WNK3: variants seen among roughly 807,000 people sequenced by gnomAD.
WNK3 encodes WNK lysine deficient protein kinase 3.
In WNK3, 18 loss-of-function variants were observed where a neutral mutation model predicts 116.7. That is an observed-to-expected ratio of 0.15 (90% CI 0.11 to 0.23). The LOEUF is 0.23. WNK3 is among the 10% of genes least tolerant of loss of function. WNK3 has a pLI of 1.00. For missense variants in WNK3, 993 were observed against 1,323.8 expected (o/e 0.75, Z 3.88); for synonymous variants, 404 against 469.4 (o/e 0.86, Z 1.80).
intron 15 of WNK3, 46 bp downstream of exon 15, chrX:54,251,353 G>T: frequency 1.1e-6 from 1 of 945,319 alleles, no homozygotes; most frequent in Non-Finnish European, 1.5e-6. Context: ...GTTTTCAAAT[G>T]TCTTGCTTCA....
intron 1 of WNK3, among the ~76,000 whole-genome samples, chrX:54,347,645 G>A (rs976121902): frequency 1.0e-5 from 1 of 100,068 alleles, no homozygotes; most frequent in Non-Finnish European, 2.0e-5. Flanking sequence ...GTGAGACCCC[G>A]TCTCAAAAAA....
At chrX:54,243,278 G>A (rs1284288928) in intron 17 of WNK3, among the ~76,000 whole-genome samples, 9 of 108,211 alleles carry the variant, frequency 8.3e-5, no homozygotes, top group East Asian at 2.9e-4. Flanking sequence ...AAAATTAGCC[G>A]GGCGCAGTGG....
chrX:54,251,094 A>C (rs2068124786), intron 15 of WNK3, among the ~76,000 whole-genome samples: 1 of 112,056 alleles, frequency 8.9e-6, no homozygotes, highest in South Asian at 3.7e-4. Context: ...AAATCAGAAA[A>C]AAATAACTTA....
At chrX:54,333,936 C>T (rs2069202817) in intron 1 of WNK3, 144 bp from the exon 2 acceptor site, 1 of 390,648 alleles carries the variant, frequency 2.6e-6, no homozygotes. Flanking sequence ...CCAGCAGACT[C>T]TAGGGACTGT....
At chrX:54,221,792 C>T (rs1156269474) in intron 22 of WNK3, among the ~76,000 whole-genome samples, 1 of 110,483 alleles carries the variant, frequency 9.1e-6, no homozygotes, top group Non-Finnish European at 1.9e-5. Context: ...TGAGATCACG[C>T]CACTCAACTC....
chrX:54,306,033 C>T (rs1026129135), intron 5 of WNK3, among the ~76,000 whole-genome samples: 7 of 110,838 alleles, frequency 6.3e-5, no homozygotes, highest in South Asian at 3.9e-4. Flanking sequence ...CCAGCCTAGA[C>T]GACAGGGCAA....
At position 54,326,701 on chromosome X, in the gene WNK3, T is replaced by C. The variant is rs2069109863; in HGVS notation, c.537+6436A>G. ...ATAATAAAATTAAAATGAAAGAAAT[T>C]ATAGCCGGGTGCAGTGGCTCACACC... On this transcript the variant is annotated intron_variant, in intron 2 of 23. Transcript: ENST00000354646. Among the ~76,000 whole-genome samples the C allele has an allele frequency of 8.2e-5, 9 of 109,653 alleles. No individual in the cohort carries two copies. The Admixed American group carries it at 8.8e-4, about 11-fold the overall frequency.
intron 10 of WNK3, among the ~76,000 whole-genome samples, chrX:54,280,160 G>A (rs1431413662): frequency 3.6e-5 from 4 of 111,018 alleles, no homozygotes; most frequent in Admixed American, 9.6e-5. Context: ...AGCTGGGCAC[G>A]GTGGCAGGCA....
Position 54,307,881 on chromosome X carries a change from C to T in WNK3, c.1089+41G>A, listed in dbSNP as rs369756089. 42 of 1,101,315 alleles carry T rather than the reference C, an allele frequency of 3.8e-5. No homozygotes were observed. In the Middle Eastern group the frequency reaches 1.0e-3, roughly 26 times the overall value. The allele number at this position is 1,101,315 out of a possible 1,213,427, so 90.8% of individuals were successfully genotyped here. ...AAACTTAACTAATTTCAACATGAAA[C>T]GTGGCAACTGATAAAGTAAAAAGAA... On this transcript the variant is annotated intron_variant, in intron 5 of 23. Transcript: ENST00000354646.
At chrX:54,314,691 C>T (rs1557170374) in intron 2 of WNK3, among the ~76,000 whole-genome samples, 1 of 110,411 alleles carries the variant, frequency 9.1e-6, no homozygotes, top group African/African-American at 3.4e-5. Flanking sequence ...ATCGCTTGAA[C>T]CCGGGAGGTC....
At chrX:54,266,986 T>A (rs782342338) in intron 10 of WNK3, among the ~76,000 whole-genome samples, 1 of 110,984 alleles carries the variant, frequency 9.0e-6, no homozygotes, top group East Asian at 2.8e-4. Context: ...AGTGAGAACA[T>A]GCAGTGTTTG....
intron 2 of WNK3, among the ~76,000 whole-genome samples, chrX:54,316,469 G>A (rs1557170987): frequency 9.4e-6 from 1 of 106,296 alleles, no homozygotes; most frequent in African/African-American, 3.5e-5. Context: ...GAACCCAGGA[G>A]GCGGAGGTTG....
At chrX:54,344,670 C>T (rs1456983735) in intron 1 of WNK3, among the ~76,000 whole-genome samples, 11 of 112,440 alleles carry the variant, frequency 9.8e-5, no homozygotes, top group Non-Finnish European at 2.1e-4. Context: ...GGCGCCTGGG[C>T]GCGGTGGCTC....
chrX:54,286,700 G>A (rs937046545), intron 10 of WNK3, among the ~76,000 whole-genome samples: 3 of 110,296 alleles, frequency 2.7e-5, no homozygotes, highest in Non-Finnish European at 1.9e-5. Context: ...AACACTTGAA[G>A]TCAGGAGTGC....
chrX:54,224,632 A>G (rs1164221595), intron 22 of WNK3, among the ~76,000 whole-genome samples: 3 of 104,713 alleles, frequency 2.9e-5, no homozygotes, highest in African/African-American at 1.1e-4. Flanking sequence ...TGCAGTGGCA[A>G]GATCTCGGCT....
intron 22 of WNK3, among the ~76,000 whole-genome samples, chrX:54,211,872 A>T (rs1303014643): frequency 2.7e-5 from 3 of 110,628 alleles, no homozygotes; most frequent in Non-Finnish European, 5.7e-5. Flanking sequence ...ACTACCAATA[A>T]TCCATGGATA....
intron 10 of WNK3, among the ~76,000 whole-genome samples, chrX:54,274,941 G>A (rs889736682): frequency 1.0e-4 from 11 of 106,106 alleles, no homozygotes; most frequent in African/African-American, 3.5e-4. Flanking sequence ...AGCTCAGGAG[G>A]TTGAGGCTAC....
At chrX:54,322,545 C>T (rs782527995) in intron 2 of WNK3, among the ~76,000 whole-genome samples, 7 of 111,349 alleles carry the variant, frequency 6.3e-5, no homozygotes. Context: ...ATCATTTGTT[C>T]TAAAATGGTT....
intron 7 of WNK3, among the ~76,000 whole-genome samples, chrX:54,295,063 A>T (rs1342607074): frequency 9.3e-6 from 1 of 107,758 alleles, no homozygotes; most frequent in East Asian, 2.9e-4. Context: ...CGCCCAGCTA[A>T]TTTTTTTGTA....
Sources: gnomAD v4.1 joint callset for allele counts (sites outside exome capture counted in the v4.1 genomes callset) on GRCh38, gnomAD v4.1.1 for gene constraint, MANE v1.5 for transcripts, NCBI Gene and HGNC (gene_info 2026-07-23, HGNC 2026-07-21) for gene names.